The following ITGAM variants were observed in gnomAD, a reference collection of about 807,000 sequenced individuals.
ITGAM encodes the protein integrin alpha-M.
Under a neutral mutation model 137.5 loss-of-function variants are expected in ITGAM, and 79 were observed. The observed-to-expected ratio is 0.57, with a 90% CI of 0.48 to 0.69. The LOEUF is 0.69. ITGAM is among the 30% of genes least tolerant of loss of function. ITGAM has a pLI of 0.00. For missense variants in ITGAM, 1,343 were observed against 1,483.5 expected, an observed-to-expected ratio of 0.91 and a Z score of 1.56; for synonymous variants, 583 against 592.3, an observed-to-expected ratio of 0.98 and a Z score of 0.23.
At chr16:31,299,424 T>A (rs2080172345) in intron 14 of ITGAM, among the ~76,000 whole-genome samples, 1 of 152,020 alleles carries the variant, frequency 6.6e-6, no homozygotes, top group African/African-American at 2.4e-5. Context: ...TTCTCCTCTC[T>A]CAGCCTCCTG....
At chr16:31,265,302 G>A (rs914842592) in intron 2 of ITGAM, 93 bp from the exon 3 acceptor site, 4 of 563,462 alleles carry the variant, frequency 7.1e-6, no homozygotes, top group African/African-American at 4.0e-5. Flanking sequence ...CCGGGTATGG[G>A]CCCCCACCGT....
rs758304404 is a variant in ITGAM at position 31,277,950 on chromosome 16, C to T, written c.1214-17C>T. ...GGGGCAGGGAATGCACTTCACCTCT[C>T]AGACCCCCACCTTCAGGTTATGCTG... On this transcript the variant is annotated splice_polypyrimidine_tract_variant and intron_variant, in intron 11 of 29. Transcript: ENST00000544665. 6.3e-6 allele frequency: 10 copies of T among 1,576,120 alleles called. No homozygotes were observed. The Admixed American group carries it at 7.3e-5, about 12-fold the overall frequency.
intron 26 of ITGAM, 21 bp downstream of exon 26, chr16:31,330,185 C>G (rs1445990904): frequency 6.2e-7 from 1 of 1,609,166 alleles, no homozygotes. Context: ...AAGTCAGCCC[C>G]AGGGCCACAC....
chr16:31,309,386 G>T (rs1374337346), intron 14 of ITGAM, among the ~76,000 whole-genome samples: 6 of 120,328 alleles, frequency 5.0e-5, no homozygotes, highest in East Asian at 4.6e-4. Context: ...TTGTTGAATT[G>T]ATCCCTTTAC....
At chr16:31,280,626 G>T (rs1466556142) in intron 12 of ITGAM, among the ~76,000 whole-genome samples, 2 of 152,180 alleles carry the variant, frequency 1.3e-5, no homozygotes, top group African/African-American at 4.8e-5. Flanking sequence ...ATCAGCTTAA[G>T]GACGTTTTGG....
chr16:31,265,595 C>A, intron 3 of ITGAM, 97 bp downstream of exon 3: 1 of 865,518 alleles, frequency 1.2e-6, no homozygotes, highest in Non-Finnish European at 1.8e-6. Flanking sequence ...GTGGTGGGGA[C>A]ACAGGTGCCT....
At chr16:31,266,898 C>A (rs1281554586) in intron 5 of ITGAM, among the ~76,000 whole-genome samples, 2 of 149,504 alleles carry the variant, frequency 1.3e-5, no homozygotes, top group African/African-American at 4.9e-5. Flanking sequence ...GGCAGAGTCT[C>A]GCTCTGTCAC....
At position 31,325,254 on chromosome 16, in the gene ITGAM, T is replaced by A; in HGVS notation, c.2364-9T>A. The A allele has an allele frequency of 1.2e-6, 2 of 1,607,256 alleles. No individual in the cohort carries two copies. The highest frequency in any genetic ancestry group is 1.7e-6 in the Non-Finnish European group (2 of 1,176,634). ...CCCCATCCCCCGGCCTGTCTTCTTC[T>A]TCCCACAGCCTGGACTGCCTCGTGG... On this transcript the variant is annotated splice_polypyrimidine_tract_variant and intron_variant, in intron 19 of 29. Coordinates refer to ENST00000544665, the MANE Select transcript of ITGAM (RefSeq NM_000632.4).
rs1173097855 is a variant in ITGAM, at chr16:31,332,255, G to T, written c.*548G>T. ...ACTGAAAGAAGTGGGACTTCCCGTC[G>T]CCTGCGAGCCTGCGGCCTGCTGGAG... On this transcript the variant is annotated 3_prime_UTR_variant, in exon 30 of 30. Coordinates refer to ENST00000544665, the MANE Select transcript of ITGAM (RefSeq NM_000632.4). The T allele has an allele frequency of 6.6e-6, 1 of 152,532 alleles. No individual in the cohort carries two copies. Among genetic ancestry groups the T allele is most frequent in the Non-Finnish European group, 1.5e-5 (1 of 68,242 alleles). The allele number at this position is 152,532 out of a possible 1,614,324, so 9.4% of individuals were successfully genotyped here. A position where few individuals can be genotyped will look rare whatever the true frequency, so the allele number is the denominator to read the frequency against.
At chr16:31,294,010 G>T (rs919499793) in intron 12 of ITGAM, among the ~76,000 whole-genome samples, 1 of 152,122 alleles carries the variant, frequency 6.6e-6, no homozygotes, top group Non-Finnish European at 1.5e-5. Flanking sequence ...TCGTGAATAG[G>T]ATTGCCTTCC....
intron 12 of ITGAM, among the ~76,000 whole-genome samples, chr16:31,290,351 G>C (rs1351171929): frequency 1.3e-5 from 2 of 152,042 alleles, no homozygotes; most frequent in Non-Finnish European, 2.9e-5. Flanking sequence ...CATTGTGAAG[G>C]TACTAAAACC....
At chr16:31,302,996 C>CTTT (rs747403167) in intron 14 of ITGAM, among the ~76,000 whole-genome samples, 15 of 92,542 alleles carry the variant, frequency 1.6e-4, no homozygotes, top group Middle Eastern at 5.7e-3. Flanking sequence ...TTCTTTCTTT[C>CTTT]TTTTTCTTTC....
At chr16:31,286,698 T>C (rs2080033319) in intron 12 of ITGAM, among the ~76,000 whole-genome samples, 1 of 149,672 alleles carries the variant, frequency 6.7e-6, no homozygotes, top group Non-Finnish European at 1.5e-5. Context: ...ATGGGGTTAT[T>C]TGTTTCTTGC....
intron 7 of ITGAM, 44 bp downstream of exon 7, chr16:31,272,036 C>T: frequency 1.2e-6 from 2 of 1,611,828 alleles, no homozygotes; most frequent in Non-Finnish European, 1.7e-6. Context: ...GGAGGAGACA[C>T]TTTTAGCTGG....
chr16:31,283,807 AT>A (rs1393020657), intron 12 of ITGAM, among the ~76,000 whole-genome samples: 1 of 152,158 alleles, frequency 6.6e-6, no homozygotes, highest in Non-Finnish European at 1.5e-5. Context: ...AGGTGCTCTG[AT>A]TTTTAAAATT....
intron 14 of ITGAM, among the ~76,000 whole-genome samples, chr16:31,302,896 TTCTCTC>T (rs948004091): frequency 6.6e-6 from 1 of 150,536 alleles, no homozygotes; most frequent in African/African-American, 2.4e-5. Flanking sequence ...CTTTCTTTCT[TTCTCTC>T]TCTCTCTTTC....
chr16:31,297,966 T>G lies in ITGAM; in HGVS notation c.1707+12T>G, dbSNP rs2080154784. On this transcript the variant is annotated intron_variant, in intron 14 of 29. Coordinates refer to ENST00000544665, the MANE Select transcript of ITGAM (RefSeq NM_000632.4). ...CCTCCCATAGCCAGGTGAGACCTGGTCACTGTCCTTGTCATGACAGTAGCC... is the reference window on the plus strand; with the variant it reads ...CCTCCCATAGCCAGGTGAGACCTGGGCACTGTCCTTGTCATGACAGTAGCC... The G allele has an allele frequency of 1.3e-6, 2 of 1,599,786 alleles. No homozygotes were observed. Among genetic ancestry groups the G allele is most frequent in the East Asian group, 4.5e-5 (2 of 44,772 alleles).
intron 2 of ITGAM, among the ~76,000 whole-genome samples, chr16:31,264,128 G>A (rs893355715): frequency 6.6e-6 from 1 of 151,930 alleles, no homozygotes; most frequent in Non-Finnish European, 1.5e-5. Flanking sequence ...GAGCCACTGC[G>A]CCTGGCCCAG....
chr16:31,304,071 A>G (rs1156610286), intron 14 of ITGAM, among the ~76,000 whole-genome samples: 3 of 152,188 alleles, frequency 2.0e-5, no homozygotes, highest in African/African-American at 4.8e-5. Flanking sequence ...GCTAATTTAC[A>G]TTCCCACCAG....
Sources: gnomAD v4.1 joint callset for allele counts (sites outside exome capture counted in the v4.1 genomes callset) on GRCh38, gnomAD v4.1.1 for gene constraint, MANE v1.5 for transcripts, NCBI Gene and HGNC (gene_info 2026-07-23, HGNC 2026-07-21) for gene names.